The following TECTA variants were observed in gnomAD, a reference collection of about 807,000 sequenced individuals.
TECTA encodes the protein tectorin alpha, also known as alpha-tectorin.
Under a neutral mutation model 216.8 loss-of-function variants are expected in TECTA, and 128 were observed. The ratio of observed to expected loss-of-function variants is 0.59; its 90% CI spans 0.51 to 0.68. The LOEUF (loss-of-function observed/expected upper bound fraction) is 0.68. TECTA is among the 30% of genes least tolerant of loss of function. The pLI is 0.00. For synonymous variants in TECTA, 1,089 were observed against 1,117.1 expected, an observed-to-expected ratio of 0.97 and a Z score of 0.50; for missense variants, 2,551 against 2,786.2, an observed-to-expected ratio of 0.92 and a Z score of 1.90.
intron 6 of TECTA, among the ~76,000 whole-genome samples, chr11:121,117,744 G>A (rs1232657546): frequency 1.3e-5 from 2 of 152,228 alleles, no homozygotes; most frequent in Non-Finnish European, 2.9e-5. Flanking sequence ...AAATGTGCAA[G>A]AAAGTGGTCA....
intron 3 of TECTA, among the ~76,000 whole-genome samples, chr11:121,107,741 A>G (rs765051002): frequency 4.6e-5 from 7 of 152,228 alleles, no homozygotes; most frequent in Non-Finnish European, 7.3e-5. Context: ...AATTGTTTAC[A>G]GGTCCCTTGT....
At chr11:121,121,653 T>A in intron 7 of TECTA, among the ~76,000 whole-genome samples, 1 of 152,056 alleles carries the variant, frequency 6.6e-6, no homozygotes, top group East Asian at 1.9e-4. Flanking sequence ...TCAGCCTGAG[T>A]GCGACAAGAA....
At chr11:121,112,670 C>G (rs1946452692) in intron 4 of TECTA, among the ~76,000 whole-genome samples, 1 of 152,220 alleles carries the variant, frequency 6.6e-6, no homozygotes, top group Non-Finnish European at 1.5e-5. Context: ...CTCTTCCAAC[C>G]CGCTCTGCAA....
Position 121,157,816 on chromosome 11 carries a change from A to C in TECTA, c.4306-25A>C, listed in dbSNP as rs116483828. The C allele has an allele frequency of 3.5e-3, 5,613 of 1,612,968 alleles. 75 individuals carry two copies. In the Middle Eastern group the frequency reaches 0.043, roughly 12 times the overall value. Reference sequence around the variant, plus strand: ...CCAGCCCTGACCACAGTCTGAATTTAATGCAAACGGCGCCTCTCTTCCAGC... The same window carrying C: ...CCAGCCCTGACCACAGTCTGAATTTCATGCAAACGGCGCCTCTCTTCCAGC... On this transcript the variant is annotated intron_variant, in intron 13 of 23. Coordinates refer to ENST00000392793, the MANE Select transcript of TECTA (RefSeq NM_005422.4).
At chr11:121,133,705 C>T (rs574743241) in intron 10 of TECTA, among the ~76,000 whole-genome samples, 5 of 152,330 alleles carry the variant, frequency 3.3e-5, no homozygotes, top group African/African-American at 1.2e-4. Flanking sequence ...CACTCAGCCT[C>T]CCGGGCAGGT....
intron 11 of TECTA, among the ~76,000 whole-genome samples, 188 bp from the exon 12 acceptor site, chr11:121,145,367 G>A (rs1324075680): frequency 2.6e-5 from 4 of 152,244 alleles, no homozygotes; most frequent in Admixed American, 6.5e-5. Flanking sequence ...ACCAAGGATA[G>A]TCATTTGCGT....
chr11:121,154,263 G>T (rs1565531829), intron 13 of TECTA, among the ~76,000 whole-genome samples: 1 of 152,150 alleles, frequency 6.6e-6, no homozygotes. Context: ...TAACTTCGGG[G>T]ATAAATAAAA....
intron 16 of TECTA, 48 bp from the exon 17 acceptor site, chr11:121,165,214 CTACCGCATGTA>C: frequency 6.7e-7 from 1 of 1,502,902 alleles, no homozygotes. Flanking sequence ...GAACCAAAAG[CTACCGCATGTA>C]GGTGTGAAAA....
chr11:121,134,891 T>C (rs1946711219), intron 10 of TECTA, among the ~76,000 whole-genome samples: 1 of 152,222 alleles, frequency 6.6e-6, no homozygotes, highest in Non-Finnish European at 1.5e-5. Context: ...ATGTGACAGC[T>C]ACTGAGAAAA....
At chr11:121,190,080 A>C in intron 23 of TECTA, 200 bp downstream of exon 23, 1 of 590,342 alleles carries the variant, frequency 1.7e-6, no homozygotes. Context: ...ACAACAAAAA[A>C]ACCTTGCTCT....
At chr11:121,144,871 TA>T (rs1406356989) in intron 11 of TECTA, among the ~76,000 whole-genome samples, 1 of 152,096 alleles carries the variant, frequency 6.6e-6, no homozygotes, top group Non-Finnish European at 1.5e-5. Flanking sequence ...AGCCGTAACA[TA>T]AGGCAGACTG....
chr11:121,137,716 T>C lies in TECTA; in HGVS notation c.3237T>C (p.Asp1079=). ...RVHCETIPCK[D]DEYCMEEGGL... Reference sequence around the variant, plus strand: ...ACTGCGAGACCATTCCCTGCAAGGATGATGAGTACTGCATGGAGGAAGGTG... The same window carrying C: ...ACTGCGAGACCATTCCCTGCAAGGACGATGAGTACTGCATGGAGGAAGGTG... Residue 1079 remains aspartate, a synonymous_variant, in exon 11 of 24, where the codon GAT becomes GAC. Coordinates refer to ENST00000392793, the MANE Select transcript of TECTA (RefSeq NM_005422.4). The C allele has an allele frequency of 1.2e-6, 2 of 1,614,058 alleles. No individual in the cohort carries two copies. The highest frequency in any genetic ancestry group is 1.1e-5 in the South Asian group (1 of 91,076).
Position 121,113,416 on chromosome 11 carries a change from A to G in TECTA, c.625-137A>G. On this transcript the variant is annotated intron_variant, in intron 5 of 23. Transcript: ENST00000392793. This position sits in a 1 kb window ranked among gnomAD's most constrained non-coding sequence, Gnocchi z 4.2. ...AACTAGGCAGTCCTTTCTCACCTAG[A>G]ATGCTGGCCCCAGTGACTCCAGGAA... is the stretch of plus-strand genomic sequence containing the variant. 1.4e-6 allele frequency: 2 copies of G among 1,440,222 alleles called. No individual in the cohort carries two copies. The highest frequency in any genetic ancestry group is 2.3e-5 in the South Asian group (2 of 86,140). 89.2% of individuals were successfully genotyped at this position (1,440,222 alleles called of 1,614,324 possible).
In TECTA at chr11:121,102,713, A is replaced by G; in HGVS notation, c.48A>G (p.Ala16=). 6.2e-7 allele frequency: 1 copy of G among 1,613,728 alleles called. No individual in the cohort carries two copies. Among genetic ancestry groups the G allele is most frequent in the Non-Finnish European group, 8.5e-7 (1 of 1,179,736 alleles). Residue 16 remains alanine, a synonymous_variant, in exon 2 of 24, where the codon GCA becomes GCG. Transcript: ENST00000392793. ...GAATTTGGGTCTCTTTCATCTTCGC[A>G]CTTGTACAGCACCAAGGTGAGTACT... ...FLRIWVSFIF[A]LVQHQAQPRE... is the part of the protein sequence containing the mutation.
At position 121,105,411 on chromosome 11, in the gene TECTA, C is replaced by T. The variant is rs1442252541; in HGVS notation, c.65-420C>T. Among the ~76,000 whole-genome samples the T allele has an allele frequency of 6.6e-6, 1 of 152,188 alleles. No individual in the cohort carries two copies. Among genetic ancestry groups the T allele is most frequent in the Non-Finnish European group, 1.5e-5 (1 of 68,034 alleles). On this transcript the variant is annotated intron_variant, in intron 2 of 23. Coordinates refer to ENST00000392793, the MANE Select transcript of TECTA (RefSeq NM_005422.4). The surrounding 1 kb of genome is among the most constrained non-coding windows in gnomAD (Gnocchi z 5.3). The stretch of plus-strand genomic sequence containing the variant: ...ATTGTGCAGCAAGAGGGAGGGAACT[C>T]CTTTCAGGAAAACACACGATAGTGG...
intron 18 of TECTA, among the ~76,000 whole-genome samples, 155 bp from the exon 19 acceptor site, chr11:121,167,899 G>T (rs1000338319): frequency 6.6e-6 from 1 of 151,982 alleles, no homozygotes; most frequent in African/African-American, 2.4e-5. Flanking sequence ...TTTCCCCCAA[G>T]TAAATGCTAA....
chr11:121,154,623 G>T (rs1946923805), intron 13 of TECTA, among the ~76,000 whole-genome samples: 1 of 152,170 alleles, frequency 6.6e-6, no homozygotes, highest in South Asian at 2.1e-4. Flanking sequence ...TGTCAGTGTG[G>T]CATAATTCAA....
intron 22 of TECTA, 60 bp downstream of exon 22, chr11:121,189,227 G>A (rs1439307560): frequency 3.2e-5 from 50 of 1,568,718 alleles, no homozygotes; most frequent in Non-Finnish European, 4.3e-5. Flanking sequence ...TCAAGGCTCA[G>A]ATGTGTTTCA....
chr11:121,187,932 G>A lies in TECTA; in HGVS notation c.6100G>A (p.Asp2034Asn), dbSNP rs202092043. ...VTVFKFIGDY[D>N]EVHLHCAVSL... ...CGTCTTTAAATTCATAGGGGATTAC[G>A]ACGAAGTTCACCTTCACTGTGCAGT... The change falls in exon 21 of 24, where the codon GAC becomes AAC. Residue 2034 changes from aspartate to asparagine, a missense_variant. Asp to Asn is a conservative substitution (Grantham distance 23). Transcript: ENST00000392793. 323 of 1,614,078 alleles carry A rather than the reference G, an allele frequency of 2.0e-4. No individual in the cohort carries two copies. Among genetic ancestry groups the A allele is most frequent in the Non-Finnish European group, 2.5e-4 (292 of 1,180,038 alleles).
Sources: gnomAD v4.1 joint callset for allele counts (sites outside exome capture counted in the v4.1 genomes callset) on GRCh38, gnomAD v4.1.1 for gene constraint, Gnocchi (gnomAD v3.1) non-coding constraint, MANE v1.5 for transcripts, NCBI Gene and HGNC (gene_info 2026-07-23, HGNC 2026-07-21) for gene names.